Variants in GLI2 observed in about 807,000 individuals in gnomAD.
GLI2 encodes the protein transcription activator GLI2.
Under a neutral mutation model 78.9 loss-of-function variants are expected in GLI2, and 22 were observed. That is an observed-to-expected ratio of 0.28 (90% CI 0.20 to 0.40). The LOEUF is 0.40. Among genes scored for constraint, GLI2 ranks in the 10% least tolerant of loss-of-function variants. GLI2 has a pLI of 1.00. For synonymous variants in GLI2, 974 were observed against 963.7 expected (o/e 1.01, Z -0.20); for missense variants, 2,097 against 2,213.2 (o/e 0.95, Z 1.05).
At chr2:120,870,021 G>A (rs562367967) in intron 2 of GLI2, among the ~76,000 whole-genome samples, 10 of 152,238 alleles carry the variant, frequency 6.6e-5, no homozygotes, top group African/African-American at 2.4e-4. Context: ...TAAATATGTT[G>A]GGCTAATATA....
At chr2:120,914,252 A>G (rs1319613996) in intron 2 of GLI2, among the ~76,000 whole-genome samples, 1 of 152,206 alleles carries the variant, frequency 6.6e-6, no homozygotes, top group Non-Finnish European at 1.5e-5. Flanking sequence ...GCAAGATTTT[A>G]GGGGAAAGCC....
chr2:120,757,012 A>G (rs1683050887), intron 1 of GLI2, among the ~76,000 whole-genome samples: 1 of 151,926 alleles, frequency 6.6e-6, no homozygotes, highest in Admixed American at 6.6e-5. Flanking sequence ...TTTTTTCTTC[A>G]ATGTCTAATC....
At chr2:120,945,820 A>G (rs922136747) in intron 3 of GLI2, among the ~76,000 whole-genome samples, 1 of 152,144 alleles carries the variant, frequency 6.6e-6, no homozygotes, top group Non-Finnish European at 1.5e-5. Context: ...TCACAGTACT[A>G]GCAATATGGA....
chr2:120,837,709 TTATC>T (rs1191282243), intron 2 of GLI2, among the ~76,000 whole-genome samples: 4 of 152,264 alleles, frequency 2.6e-5, no homozygotes. Flanking sequence ...TTGTTTTACT[TTATC>T]TATGTGAATA....
chr2:120,748,132 A>C (rs1682747774), intron 1 of GLI2, among the ~76,000 whole-genome samples: 1 of 152,208 alleles, frequency 6.6e-6, no homozygotes, highest in Non-Finnish European at 1.5e-5. Context: ...ATGATCTGGA[A>C]AGGCATCATG....
chr2:120,914,596 C>G lies in GLI2; in HGVS notation c.149-12765C>G, dbSNP rs182347940. Among the ~76,000 whole-genome samples, 637 of 152,348 alleles carry G rather than the reference C, an allele frequency of 4.2e-3. 3 individuals are homozygous for G. The highest frequency in any genetic ancestry group is 0.01 in the Middle Eastern group (3 of 294). ...ATGTCTACCCAGACAGACAGGCAGC[C>G]CCTCCCATTCCTTGTGATGGCGGGG... is the stretch of plus-strand genomic sequence containing the variant. On this transcript the variant is annotated intron_variant, in intron 2 of 13. Transcript: ENST00000361492.
intron 2 of GLI2, among the ~76,000 whole-genome samples, chr2:120,825,141 A>C (rs550861288): frequency 6.6e-6 from 1 of 152,266 alleles, no homozygotes; most frequent in South Asian, 2.1e-4. Context: ...GATATTTCTT[A>C]TAGCCATTGG....
intron 2 of GLI2, among the ~76,000 whole-genome samples, chr2:120,806,071 T>C (rs1003240905): frequency 2.0e-5 from 3 of 152,166 alleles, no homozygotes; most frequent in Non-Finnish European, 4.4e-5. Context: ...GGAGGGAGAA[T>C]GGATGGGCCC....
At position 120,887,682 on chromosome 2, in the gene GLI2, G is replaced by T. The variant is rs1027240840; in HGVS notation, c.149-39679G>T. Among the ~76,000 whole-genome samples the T allele has an allele frequency of 2.0e-5, 3 of 152,232 alleles. No homozygotes were observed. In the South Asian group the frequency reaches 6.2e-4, roughly 32 times the overall value. On this transcript the variant is annotated intron_variant, in intron 2 of 13. Coordinates refer to ENST00000361492, the MANE Select transcript of GLI2 (RefSeq NM_001374353.1). ...CCCACAGAGGCCATTATCCCGGAGC[G>T]GGGTGCTGTTTGCCTGGTTTTGTCT...
intron 1 of GLI2, among the ~76,000 whole-genome samples, chr2:120,775,468 C>T (rs1367437070): frequency 6.6e-6 from 1 of 152,196 alleles, no homozygotes; most frequent in Admixed American, 6.5e-5. Context: ...GAACAGTGCG[C>T]TAATGCTCCG....
Position 120,951,347 on chromosome 2 carries a change from C to T in GLI2, c.359C>T (p.Pro120Leu), listed in dbSNP as rs905463731. ...GAGTCCCCCTTCAACGCCCCCCACCCGTACGTGAACCCCCACATGGAGCAC... is the reference window on the plus strand; with the variant it reads ...GAGTCCCCCTTCAACGCCCCCCACCTGTACGTGAACCCCCACATGGAGCAC... ...PGESPFNAPHPYVNPHMEHYL... is the reference protein window; with the variant it reads ...PGESPFNAPHLYVNPHMEHYL... The change falls in exon 4 of 14, where the codon CCG (proline) becomes CTG (leucine). Residue 120 changes from proline to leucine, a missense_variant. Around this residue, in one of 5 missense-constraint regions of GLI2, gnomAD observed 578 missense variants for 612.0 expected, o/e 0.94. Transcript: ENST00000361492. 1.1e-5 allele frequency: 18 copies of T among 1,589,578 alleles called. No individual in the cohort carries two copies. Among genetic ancestry groups the T allele is most frequent in the African/African-American group, 1.3e-5 (1 of 74,500 alleles).
chr2:120,859,005 G>A (rs1310511795), intron 2 of GLI2, among the ~76,000 whole-genome samples: 2 of 148,456 alleles, frequency 1.3e-5, no homozygotes, highest in East Asian at 2.1e-4. Context: ...CAGGCTTTCC[G>A]GAGGCACGGT....
chr2:120,981,696 G>A (rs933244898), intron 10 of GLI2, among the ~76,000 whole-genome samples: 2 of 152,132 alleles, frequency 1.3e-5, no homozygotes, highest in African/African-American at 2.4e-5. Context: ...TCCTGAGGGC[G>A]GTTTTCATAC....
chr2:120,907,065 T>G (rs1678570167), intron 2 of GLI2, among the ~76,000 whole-genome samples: 1 of 152,104 alleles, frequency 6.6e-6, no homozygotes, highest in South Asian at 2.1e-4. Context: ...CTAATGTCTC[T>G]CCATCACCAG....
intron 2 of GLI2, among the ~76,000 whole-genome samples, chr2:120,857,678 G>A (rs978958507): frequency 2.6e-5 from 4 of 151,838 alleles, no homozygotes; most frequent in African/African-American, 4.8e-5. Context: ...AGGCCACCCC[G>A]CTATCCAATG....
intron 2 of GLI2, among the ~76,000 whole-genome samples, chr2:120,846,568 C>T (rs542984980): frequency 6.6e-6 from 1 of 152,334 alleles, no homozygotes; most frequent in African/African-American, 2.4e-5. Flanking sequence ...TTTCCAACAG[C>T]CCCTGGTCGT....
chr2:120,959,289 G>A (rs1048167845), intron 5 of GLI2, among the ~76,000 whole-genome samples: 4 of 152,164 alleles, frequency 2.6e-5, no homozygotes, highest in African/African-American at 9.7e-5. Context: ...AGGTAACGGG[G>A]AAGCATCACC....
rs764164100 is a variant in GLI2, at chr2:120,972,036, G to T, written c.1155G>T (p.Arg385=). The change falls in exon 8 of 14, where the codon CGG becomes CGT. Residue 385 remains arginine (R), a synonymous_variant. Transcript: ENST00000361492. The stretch of plus-strand genomic sequence containing the variant: ...TCAAGACCGAGCCTGAGGGCCTGCG[G>T]CCGGCCTCCCCTCTGGCGCTGACGC... ...SKVKTEPEGL[R]PASPLALTQE... is the part of the protein sequence containing the mutation. The T allele has an allele frequency of 3.7e-6, 6 of 1,613,428 alleles. No homozygotes were observed. The highest frequency in any genetic ancestry group is 4.2e-6 in the Non-Finnish European group (5 of 1,179,990).
chr2:120,751,955 CT>C (rs1175672333), intron 1 of GLI2, among the ~76,000 whole-genome samples: 2 of 152,162 alleles, frequency 1.3e-5, no homozygotes, highest in Non-Finnish European at 2.9e-5. Flanking sequence ...AAGCCAGTTT[CT>C]TTCTGATGCA....
Sources: allele counts gnomAD v4.1 joint callset (sites outside exome capture counted in the v4.1 genomes callset), GRCh38; gene constraint gnomAD v4.1.1; regional missense constraint gnomAD v4.1.1; transcripts MANE v1.5; gene names NCBI Gene and HGNC (gene_info 2026-07-23, HGNC 2026-07-21).